Variants in ADAM7 observed in about 807,000 individuals in gnomAD.
The protein encoded by ADAM7 is ADAM metallopeptidase domain 7.
ADAM7 carries 97 observed loss-of-function variants against 102.9 expected under a neutral mutation model. That is an observed-to-expected ratio of 0.94 (90% confidence interval 0.80 to 1.12). The LOEUF is 1.12. Among genes scored for constraint, ADAM7 ranks in the 50% most tolerant of loss-of-function variants. The probability of loss-of-function intolerance (pLI) is 0.00; values close to 1 mark genes in which losing one functional copy is unlikely to be tolerated. For synonymous variants in ADAM7, 334 were observed against 304.4 expected (o/e 1.10, Z -1.01); for missense variants, 991 against 908.7 (o/e 1.09, Z -1.16).
chr8:24,448,526 A>G (rs1217514493), intron 3 of ADAM7, among the ~76,000 whole-genome samples: 2 of 152,144 alleles, frequency 1.3e-5, no homozygotes, highest in South Asian at 4.1e-4. Context: ...AAATCTGTGA[A>G]TATTATGTGA....
intron 2 of ADAM7, among the ~76,000 whole-genome samples, chr8:24,442,820 G>C (rs1818420726): frequency 2.3e-5 from 1 of 42,788 alleles, no homozygotes; most frequent in South Asian, 5.6e-4. Flanking sequence ...TCCACCAACA[G>C]CTTTCAGGCT....
chr8:24,445,945 C>T (rs966794725), intron 2 of ADAM7, among the ~76,000 whole-genome samples: 4 of 152,154 alleles, frequency 2.6e-5, no homozygotes, highest in African/African-American at 9.7e-5. Flanking sequence ...ACAGTCCTTG[C>T]ATTTCTCCTA....
Position 24,492,507 on chromosome 8 carries a change from G to T in ADAM7, c.1565G>T (p.Ser522Ile). 2 of 1,609,374 alleles carry T rather than the reference G, an allele frequency of 1.2e-6. No homozygotes were observed. The highest frequency in any genetic ancestry group is 2.2e-5 in the South Asian group (2 of 90,190). The change falls in exon 15 of 22, where the codon AGT becomes ATT. Residue 522 changes from serine to isoleucine, a missense_variant. Transcript: ENST00000175238. Reference protein sequence around the residue: ...SELFDDEAIESHDICYKMNTK... With the variant: ...SELFDDEAIEIHDICYKMNTK... ...TTTTTTACCCCAGAGGCAATAGAGA[G>T]TCATGATATCTGCTACAAGATGAAT...
intron 18 of ADAM7, among the ~76,000 whole-genome samples, 187 bp downstream of exon 18, chr8:24,500,443 C>G (rs750844783): frequency 6.6e-6 from 1 of 152,178 alleles, no homozygotes; most frequent in Non-Finnish European, 1.5e-5. Context: ...TTCCCTTTTA[C>G]AGCCAATGTA....
intron 20 of ADAM7, chr8:24,505,968 A>G: frequency 1.4e-6 from 1 of 705,948 alleles, no homozygotes; most frequent in Non-Finnish European, 2.4e-6. Flanking sequence ...TGTCTTATAG[A>G]CAGGCCCTGA....
intron 2 of ADAM7, 106 bp from the exon 3 acceptor site, chr8:24,447,080 C>T: frequency 1.9e-6 from 1 of 525,726 alleles, no homozygotes; most frequent in Non-Finnish European, 3.3e-6. Context: ...GCTGAAAGGA[C>T]TGCTGGGTGG....
chr8:24,465,026 C>A (rs1223573357), intron 4 of ADAM7, among the ~76,000 whole-genome samples: 2 of 152,190 alleles, frequency 1.3e-5, no homozygotes, highest in Non-Finnish European at 2.9e-5. Flanking sequence ...ACCTTGTGAT[C>A]CACCCGCCTT....
intron 10 of ADAM7, among the ~76,000 whole-genome samples, chr8:24,486,253 A>C (rs1820141552): frequency 6.6e-6 from 1 of 152,160 alleles, no homozygotes; most frequent in Non-Finnish European, 1.5e-5. Context: ...CTGATAGCCC[A>C]CCTCTTTTTG....
intron 1 of ADAM7, among the ~76,000 whole-genome samples, chr8:24,441,882 G>A (rs765173180): frequency 3.9e-5 from 6 of 152,138 alleles, no homozygotes; most frequent in African/African-American, 9.7e-5. Context: ...ATAACAAAAC[G>A]ACAACTGCAG....
intron 8 of ADAM7, 102 bp from the exon 9 acceptor site, chr8:24,482,040 G>A: frequency 1.2e-6 from 1 of 866,796 alleles, no homozygotes; most frequent in Non-Finnish European, 1.7e-6. Flanking sequence ...TACCTCACAA[G>A]TTCAAATTAT....
At chr8:24,481,090 A>G (rs1407221545) in intron 8 of ADAM7, among the ~76,000 whole-genome samples, 2 of 151,092 alleles carry the variant, frequency 1.3e-5, no homozygotes, top group Middle Eastern at 3.4e-3. Flanking sequence ...AAACAAACAA[A>G]CAAACAATTC....
chr8:24,458,402 T>G (rs1331182967), intron 3 of ADAM7, among the ~76,000 whole-genome samples: 5 of 152,196 alleles, frequency 3.3e-5, no homozygotes, highest in Admixed American at 6.5e-5. Flanking sequence ...TTCTTTATAT[T>G]TACTATTTCT....
chr8:24,504,688 A>G (rs2129397626), intron 20 of ADAM7, among the ~76,000 whole-genome samples: 1 of 152,184 alleles, frequency 6.6e-6, no homozygotes, highest in East Asian at 1.9e-4. Flanking sequence ...GAGGTTTCGA[A>G]TGCTTTGCCA....
intron 9 of ADAM7, among the ~76,000 whole-genome samples, chr8:24,484,616 T>C (rs1355340783): frequency 6.6e-6 from 1 of 152,188 alleles, no homozygotes; most frequent in Non-Finnish European, 1.5e-5. Context: ...TTGTGTTACT[T>C]TGTTTTTCCT....
At chr8:24,481,209 T>C (rs1380704000) in intron 8 of ADAM7, among the ~76,000 whole-genome samples, 1 of 152,212 alleles carries the variant, frequency 6.6e-6, no homozygotes, top group Non-Finnish European at 1.5e-5. Context: ...CTAATTCCCA[T>C]GATTATGAAA....
intron 3 of ADAM7, among the ~76,000 whole-genome samples, chr8:24,455,961 T>A (rs965801497): frequency 6.0e-5 from 9 of 149,732 alleles, no homozygotes; most frequent in Admixed American, 4.7e-4. Flanking sequence ...AACTACTTAT[T>A]TTTTTTTTTG....
intron 5 of ADAM7, among the ~76,000 whole-genome samples, chr8:24,466,211 G>A (rs554749220): frequency 6.8e-4 from 103 of 152,312 alleles, no homozygotes; most frequent in African/African-American, 2.1e-3. Context: ...ACTAAATTGA[G>A]CTGTGTTTGC....
intron 3 of ADAM7, among the ~76,000 whole-genome samples, chr8:24,456,165 A>G (rs1256206617): frequency 1.3e-5 from 2 of 152,104 alleles, no homozygotes; most frequent in African/African-American, 4.8e-5. Flanking sequence ...CCACCATTTT[A>G]TTCTCTGCTT....
At chr8:24,492,305 T>G (rs1820387716) in intron 14 of ADAM7, 190 bp from the exon 15 acceptor site, 2 of 687,342 alleles carry the variant, frequency 2.9e-6, no homozygotes, top group Admixed American at 6.2e-5. Flanking sequence ...CTATGTATAT[T>G]TGTTACTGTT....
Sources: allele counts gnomAD v4.1 joint callset (sites outside exome capture counted in the v4.1 genomes callset), GRCh38; gene constraint gnomAD v4.1.1; transcripts MANE v1.5; gene names NCBI Gene and HGNC (gene_info 2026-07-23, HGNC 2026-07-21).